Variants in ARHGAP44 observed in about 807,000 individuals in gnomAD.
The protein encoded by ARHGAP44 is rho GTPase-activating protein 44.
ARHGAP44 carries 43 observed loss-of-function variants against 106.8 expected under a neutral mutation model. The observed-to-expected ratio is 0.40, with a 90% CI of 0.32 to 0.52. The LOEUF is 0.52. Ranked by LOEUF, ARHGAP44 falls within the 20% of genes least tolerant of loss-of-function variation. The pLI is 0.48. For synonymous variants in ARHGAP44, 439 were observed against 410.3 expected (o/e 1.07, Z -0.85); for missense variants, 866 against 1,050.5 (o/e 0.82, Z 2.43).
chr17:12,841,694 G>A (rs534737942), intron 1 of ARHGAP44, among the ~76,000 whole-genome samples: 7 of 151,298 alleles, frequency 4.6e-5, no homozygotes, highest in African/African-American at 1.5e-4. Flanking sequence ...GACACGCAGG[G>A]GCTCCATTCT....
intron 1 of ARHGAP44, among the ~76,000 whole-genome samples, chr17:12,876,638 G>A (rs1010410494): frequency 3.3e-5 from 5 of 152,046 alleles, no homozygotes; most frequent in Admixed American, 2.6e-4. Flanking sequence ...TGTGGGCTGG[G>A]CGTGGTGGCT....
At chr17:12,891,666 T>C (rs2037048667) in intron 1 of ARHGAP44, among the ~76,000 whole-genome samples, 1 of 152,226 alleles carries the variant, frequency 6.6e-6, no homozygotes, top group South Asian at 2.1e-4. Flanking sequence ...GGAGTATAGT[T>C]GAGATGGCTC....
chr17:12,889,838 G>T, intron 1 of ARHGAP44, among the ~76,000 whole-genome samples: 1 of 151,848 alleles, frequency 6.6e-6, no homozygotes, highest in African/African-American at 2.4e-5. Context: ...GAAAGACATG[G>T]GATAGATGTT....
At position 12,990,060 on chromosome 17, in the gene ARHGAP44, C is replaced by T. The variant is rs200467701; in HGVS notation, c.2346C>T (p.Ile782=). The change falls in exon 21 of 21, where the codon ATC becomes ATT. Residue 782 remains isoleucine (I), a synonymous_variant. Coordinates refer to ENST00000379672, the MANE Select transcript of ARHGAP44 (RefSeq NM_014859.6). ...TDLVHFDIPS[I]HIELGSTLRL... ...TTGTCCACTTTGATATTCCCTCGAT[C>T]CACATAGAGCTCGGGTCGACGCTCC... 9.7e-4 allele frequency: 1,558 copies of T among 1,610,692 alleles called. No individual in the cohort carries two copies. Among genetic ancestry groups the T allele is most frequent in the Non-Finnish European group, 1.2e-3 (1,428 of 1,177,194 alleles).
intron 1 of ARHGAP44, among the ~76,000 whole-genome samples, chr17:12,825,750 C>T (rs1325458632): frequency 6.6e-6 from 1 of 152,150 alleles, no homozygotes; most frequent in Non-Finnish European, 1.5e-5. Flanking sequence ...TTACCAGTTA[C>T]TGGGTACTAT....
At chr17:12,857,781 T>C (rs1304507815) in intron 1 of ARHGAP44, among the ~76,000 whole-genome samples, 1 of 148,610 alleles carries the variant, frequency 6.7e-6, no homozygotes, top group Non-Finnish European at 1.5e-5. Flanking sequence ...TATTTATTTA[T>C]TTATTTATTT....
chr17:12,837,662 G>T (rs2035276303), intron 1 of ARHGAP44, among the ~76,000 whole-genome samples: 1 of 151,994 alleles, frequency 6.6e-6, no homozygotes, highest in Non-Finnish European at 1.5e-5. Flanking sequence ...AGTAGAACTG[G>T]TGAATGCGCA....
At chr17:12,907,147 G>A (rs1209012049) in intron 3 of ARHGAP44, among the ~76,000 whole-genome samples, 3 of 152,166 alleles carry the variant, frequency 2.0e-5, no homozygotes, top group Non-Finnish European at 4.4e-5. Context: ...GTGTAGTTCA[G>A]TCACTTTCTT....
chr17:12,945,008 GA>G (rs1309271768), intron 10 of ARHGAP44, among the ~76,000 whole-genome samples: 2 of 151,604 alleles, frequency 1.3e-5, no homozygotes, highest in African/African-American at 2.4e-5. Flanking sequence ...ATGTCTATGA[GA>G]AATTTTTTTT....
intron 10 of ARHGAP44, among the ~76,000 whole-genome samples, chr17:12,945,357 C>A (rs994137861): frequency 6.6e-6 from 1 of 152,100 alleles, no homozygotes; most frequent in Non-Finnish European, 1.5e-5. Context: ...AAATCATTTC[C>A]TGGGAGATAG....
intron 19 of ARHGAP44, among the ~76,000 whole-genome samples, chr17:12,980,624 CT>C (rs1420183475): frequency 1.3e-5 from 2 of 152,184 alleles, no homozygotes; most frequent in Non-Finnish European, 2.9e-5. Context: ...CTGCCTACCC[CT>C]AGATCACTCG....
chr17:12,839,020 T>A (rs1233468501), intron 1 of ARHGAP44, among the ~76,000 whole-genome samples: 21 of 152,146 alleles, frequency 1.4e-4, no homozygotes, highest in Admixed American at 1.4e-3. Flanking sequence ...TTTTAAAAAC[T>A]GGTTTTATTT....
intron 1 of ARHGAP44, among the ~76,000 whole-genome samples, chr17:12,890,281 C>A (rs1049043374): frequency 6.6e-6 from 1 of 152,146 alleles, no homozygotes; most frequent in South Asian, 2.1e-4. Context: ...CTGATACATC[C>A]TTTGAAATCT....
rs541901850 is a variant in ARHGAP44, at chr17:12,911,559, G to T, written c.275+2586G>T. 2.0e-5 allele frequency among the ~76,000 whole-genome samples: 3 copies of T among 152,284 alleles called. No homozygotes were observed. In the East Asian group the frequency reaches 5.8e-4, roughly 29 times the overall value. ...GGGATCTCTGGAATAGTGGGTCTTT[G>T]GGGGTGGAGTGGGTGATTAAACTCA... is the stretch of plus-strand genomic sequence containing the variant. On this transcript the variant is annotated intron_variant, in intron 4 of 20. Transcript: ENST00000379672.
intron 6 of ARHGAP44, among the ~76,000 whole-genome samples, chr17:12,925,232 C>A (rs908666033): frequency 6.6e-5 from 10 of 152,162 alleles, no homozygotes; most frequent in African/African-American, 2.4e-4. Context: ...GGACTTTGCT[C>A]ATATGCCCAC....
intron 16 of ARHGAP44, among the ~76,000 whole-genome samples, chr17:12,966,086 G>A (rs2143254142): frequency 6.6e-6 from 1 of 151,674 alleles, no homozygotes; most frequent in East Asian, 1.9e-4. Context: ...AGCCTGGGAG[G>A]TGGAGGCTGT....
At chr17:12,928,885 G>T in intron 6 of ARHGAP44, 44 bp from the exon 7 acceptor site, 1 of 1,532,894 alleles carries the variant, frequency 6.5e-7, no homozygotes, top group Non-Finnish European at 8.9e-7. Context: ...GGATCCCCAG[G>T]GCTCTACCTG....
intron 5 of ARHGAP44, chr17:12,917,130 C>A (rs1009146046): frequency 6.5e-6 from 1 of 154,300 alleles, no homozygotes; most frequent in Non-Finnish European, 1.5e-5. Flanking sequence ...CCAGCACTAT[C>A]CCCTAGAACT....
At chr17:12,851,969 C>T (rs1264498288) in intron 1 of ARHGAP44, among the ~76,000 whole-genome samples, 1 of 151,398 alleles carries the variant, frequency 6.6e-6, no homozygotes, top group Non-Finnish European at 1.5e-5. Context: ...CTATTGATTT[C>T]CTTGTGCTGT....
Sources: gnomAD v4.1 joint callset for allele counts (sites outside exome capture counted in the v4.1 genomes callset) on GRCh38, gnomAD v4.1.1 for gene constraint, MANE v1.5 for transcripts, NCBI Gene and HGNC (gene_info 2026-07-23, HGNC 2026-07-21) for gene names.